The following GRIA4 variants were observed in gnomAD, a reference collection of about 807,000 sequenced individuals.
GRIA4 encodes glutamate receptor 4.
A neutral mutation model predicts 104.0 loss-of-function variants in GRIA4; 34 were observed. The ratio of observed to expected loss-of-function variants is 0.33; its 90% confidence interval spans 0.25 to 0.44. GRIA4 has a LOEUF of 0.44. Ranked by LOEUF, GRIA4 falls within the 20% of genes least tolerant of loss-of-function variation. The probability of loss-of-function intolerance (pLI) is 1.00; values close to 1 mark genes in which losing one functional copy is unlikely to be tolerated. For missense variants in GRIA4, 750 were observed against 1,096.5 expected (o/e 0.68, Z 4.46); for synonymous variants, 386 against 381.9 (o/e 1.01, Z -0.13).
intron 4 of GRIA4, among the ~76,000 whole-genome samples, chr11:105,786,228 T>C (rs1407321556): frequency 6.6e-6 from 1 of 151,758 alleles, no homozygotes; most frequent in Non-Finnish European, 1.5e-5. Flanking sequence ...GTAAAATATC[T>C]ATGCCCACAT....
chr11:105,881,172 A>C (rs1372756356), intron 5 of GRIA4, among the ~76,000 whole-genome samples: 2 of 152,152 alleles, frequency 1.3e-5, no homozygotes, highest in Admixed American at 1.3e-4. Context: ...TAGAACAAAC[A>C]CTTAGGAATC....
chr11:105,783,660 G>A (rs1403147259), intron 4 of GRIA4, among the ~76,000 whole-genome samples: 2 of 151,808 alleles, frequency 1.3e-5, no homozygotes, highest in Non-Finnish European at 2.9e-5. Context: ...CTCACAGACA[G>A]TATTAAAACA....
At chr11:105,763,706 G>A (rs1940783698) in intron 4 of GRIA4, among the ~76,000 whole-genome samples, 1 of 152,154 alleles carries the variant, frequency 6.6e-6, no homozygotes, top group South Asian at 2.1e-4. Flanking sequence ...AAGAAAAACA[G>A]CTTAAACTCC....
intron 3 of GRIA4, among the ~76,000 whole-genome samples, chr11:105,635,189 T>G (rs951373991): frequency 6.6e-6 from 1 of 152,160 alleles, no homozygotes; most frequent in Non-Finnish European, 1.5e-5. Flanking sequence ...AGACTTTAAA[T>G]TATCTTTAAT....
chr11:105,658,124 T>C (rs976313238), intron 3 of GRIA4, among the ~76,000 whole-genome samples: 1 of 151,804 alleles, frequency 6.6e-6, no homozygotes, highest in African/African-American at 2.4e-5. Context: ...TAGTGTCATA[T>C]TGTCTCACCT....
chr11:105,858,268 C>T (rs1376808690), intron 4 of GRIA4, among the ~76,000 whole-genome samples: 1 of 151,900 alleles, frequency 6.6e-6, no homozygotes, highest in African/African-American at 2.4e-5. Context: ...GGATAGTTTA[C>T]CTATCGGTTT....
At chr11:105,830,149 C>T (rs115402016) in intron 4 of GRIA4, among the ~76,000 whole-genome samples, 349 of 152,024 alleles carry the variant, frequency 2.3e-3, no homozygotes, top group African/African-American at 7.9e-3. Flanking sequence ...ATTCTGTATG[C>T]TGAAAATTTC....
intron 3 of GRIA4, among the ~76,000 whole-genome samples, chr11:105,641,428 C>T (rs888999176): frequency 6.6e-6 from 1 of 152,144 alleles, no homozygotes; most frequent in Non-Finnish European, 1.5e-5. Flanking sequence ...AATAATTTTT[C>T]TGCTTAATGA....
chr11:105,647,826 G>T (rs961322029), intron 3 of GRIA4, among the ~76,000 whole-genome samples: 18 of 152,062 alleles, frequency 1.2e-4, no homozygotes, highest in African/African-American at 4.1e-4. Flanking sequence ...AGAGGATCAG[G>T]CACGTGCCTG....
At chr11:105,940,763 T>G (rs1948162403) in intron 14 of GRIA4, among the ~76,000 whole-genome samples, 1 of 152,132 alleles carries the variant, frequency 6.6e-6, no homozygotes, top group Non-Finnish European at 1.5e-5. Flanking sequence ...TGTCATTAGC[T>G]TCCTTTTGTC....
chr11:105,889,862 T>C (rs1938913), intron 6 of GRIA4, among the ~76,000 whole-genome samples: 28,887 of 152,180 alleles, frequency 0.19, 2,852 homozygotes, highest in Admixed American at 0.25. Context: ...TGTATGTCTA[T>C]ATGCTAGCAA....
intron 3 of GRIA4, among the ~76,000 whole-genome samples, chr11:105,743,186 T>C (rs1464259869): frequency 2.0e-5 from 3 of 152,260 alleles, no homozygotes; most frequent in East Asian, 3.9e-4. Flanking sequence ...CATTCAAAAA[T>C]AGAAGTACAG....
intron 14 of GRIA4, among the ~76,000 whole-genome samples, chr11:105,966,568 A>T (rs571064265): frequency 2.0e-5 from 3 of 152,286 alleles, no homozygotes; most frequent in South Asian, 4.1e-4. Flanking sequence ...AACAAATCAA[A>T]GGCTGTCATA....
intron 5 of GRIA4, among the ~76,000 whole-genome samples, chr11:105,871,504 ATATT>A (rs1174553234): frequency 6.7e-6 from 1 of 150,304 alleles, no homozygotes; most frequent in African/African-American, 2.4e-5. Flanking sequence ...ATTTATAATA[ATATT>A]TATTTTAATA....
intron 4 of GRIA4, among the ~76,000 whole-genome samples, chr11:105,837,104 G>A (rs1477159242): frequency 1.3e-5 from 2 of 152,132 alleles, no homozygotes; most frequent in African/African-American, 4.8e-5. Context: ...TCGTGAAGGA[G>A]GAACTGTCAA....
chr11:105,613,422 T>C (rs757136453), intron 3 of GRIA4: 1 of 152,178 alleles, frequency 6.6e-6, no homozygotes, highest in Non-Finnish European at 1.5e-5. Context: ...TATAGATTAT[T>C]TAAGAAGTAG....
chr11:105,776,790 T>C (rs182439865), intron 4 of GRIA4, among the ~76,000 whole-genome samples: 49 of 152,300 alleles, frequency 3.2e-4, no homozygotes, highest in Non-Finnish European at 7.2e-4. Flanking sequence ...AAAGCATTTG[T>C]GAGTAGACTT....
chr11:105,645,036 C>A (rs545848407), intron 3 of GRIA4, among the ~76,000 whole-genome samples: 2 of 152,192 alleles, frequency 1.3e-5, no homozygotes, highest in Non-Finnish European at 2.9e-5. Flanking sequence ...CCACTCCCAG[C>A]CAGACAATTG....
intron 9 of GRIA4, among the ~76,000 whole-genome samples, chr11:105,910,086 A>G (rs370456416): frequency 1.3e-5 from 2 of 152,124 alleles, no homozygotes; most frequent in South Asian, 4.1e-4. Context: ...AAGCCACACA[A>G]ATTAATTTAG....
Sources: allele counts gnomAD v4.1 joint callset (sites outside exome capture counted in the v4.1 genomes callset), GRCh38; gene constraint gnomAD v4.1.1; transcripts MANE v1.5; gene names NCBI Gene and HGNC (gene_info 2026-07-23, HGNC 2026-07-21).